Variants in AXDND1 observed in about 807,000 individuals in gnomAD.
AXDND1 encodes the protein axonemal dynein light chain domain containing 1.
A neutral mutation model predicts 137.5 loss-of-function variants in AXDND1; 110 were observed. The ratio of observed to expected loss-of-function variants is 0.80; its 90% CI spans 0.69 to 0.94. AXDND1 has a LOEUF of 0.94. Ranked by LOEUF, AXDND1 falls within the 40% of genes least tolerant of loss-of-function variation. The probability of loss-of-function intolerance (pLI) is 0.00; values close to 1 mark genes in which losing one functional copy is unlikely to be tolerated. For synonymous variants in AXDND1, 414 were observed against 399.7 expected, an observed-to-expected ratio of 1.04 and a Z score of -0.43; for missense variants, 1,191 against 1,169.8, an observed-to-expected ratio of 1.02 and a Z score of -0.26.
rs142150535 is a variant in AXDND1 at position 179,506,111 on chromosome 1, G to A, written c.2389-3185G>A. Among the ~76,000 whole-genome samples, 581 of 152,282 alleles carry A rather than the reference G, an allele frequency of 3.8e-3. 7 individuals are homozygous for A. Among genetic ancestry groups the A allele is most frequent in the African/African-American group, 0.013 (523 of 41,542 alleles). The stretch of plus-strand genomic sequence containing the variant: ...CTGCAGCCTAGAACAGCTACTGAAA[G>A]CCTGGAAACTTAGCCAGGCCAGATA... On this transcript the variant is annotated intron_variant, in intron 20 of 25. Coordinates refer to ENST00000367618, the MANE Select transcript of AXDND1 (RefSeq NM_144696.6).
chr1:179,475,808 T>C (rs1664540555), intron 17 of AXDND1, among the ~76,000 whole-genome samples: 1 of 152,202 alleles, frequency 6.6e-6, no homozygotes, highest in African/African-American at 2.4e-5. Flanking sequence ...GGCAGAATAA[T>C]ATGCTTTGGC....
At chr1:179,366,024 G>A (rs1667349940) in intron 1 of AXDND1, 24 bp downstream of exon 1, 1 of 153,370 alleles carries the variant, frequency 6.5e-6, no homozygotes, top group African/African-American at 2.4e-5. Context: ...GGGTAGGATC[G>A]CGGGTGTCCC....
At chr1:179,436,487 A>C (rs1011323551) in intron 15 of AXDND1, among the ~76,000 whole-genome samples, 1 of 152,222 alleles carries the variant, frequency 6.6e-6, no homozygotes, top group South Asian at 2.1e-4. Flanking sequence ...TGGTACATAT[A>C]CACCATGAAA....
At chr1:179,438,222 A>G (rs2125338922) in intron 15 of AXDND1, among the ~76,000 whole-genome samples, 1 of 152,276 alleles carries the variant, frequency 6.6e-6, no homozygotes, top group Middle Eastern at 3.4e-3. Flanking sequence ...TGTGAAAGCT[A>G]CCGGCAAATC....
chr1:179,379,796 CAAAAAA>C lies in AXDND1; in HGVS notation c.581+330_581+335del, dbSNP rs5779022. 2.0e-4 allele frequency among the ~76,000 whole-genome samples: 19 copies of C among 93,608 alleles called. 1 individual carries two copies. The East Asian group carries it at 3.3e-3, about 17-fold the overall frequency. 61.4% of individuals were successfully genotyped at this position (93,608 alleles called of 152,430 possible). A position where few individuals can be genotyped will look rare whatever the true frequency, so the allele number is the denominator to read the frequency against. ...GGGCAACAAGAGTGAAACTCCATCT[CAAAAAA>C]AAAAAAAAAAAAAAAGAAAGAATAC... On this transcript the variant is annotated intron_variant, in intron 6 of 25. Coordinates refer to ENST00000367618, the MANE Select transcript of AXDND1 (RefSeq NM_144696.6).
chr1:179,532,232 T>C (rs992665578), intron 23 of AXDND1, among the ~76,000 whole-genome samples: 2 of 152,192 alleles, frequency 1.3e-5, no homozygotes, highest in Admixed American at 1.3e-4. Flanking sequence ...TAGCATATCG[T>C]AACTAAATTT....
At chr1:179,502,043 A>G (rs1668050374) in intron 20 of AXDND1, among the ~76,000 whole-genome samples, 2 of 152,220 alleles carry the variant, frequency 1.3e-5, no homozygotes, top group Admixed American at 6.5e-5. Context: ...TGTATTTGCA[A>G]CACTTATAAC....
chr1:179,533,421 A>G (rs1190532567), intron 23 of AXDND1, among the ~76,000 whole-genome samples: 2 of 152,218 alleles, frequency 1.3e-5, no homozygotes, highest in Non-Finnish European at 2.9e-5. Flanking sequence ...AGACAGATAT[A>G]CAAGTTAGCT....
At chr1:179,491,187 G>C (rs187188756) in intron 18 of AXDND1, among the ~76,000 whole-genome samples, 6 of 152,220 alleles carry the variant, frequency 3.9e-5, no homozygotes, top group African/African-American at 1.2e-4. Context: ...AGCCAGGCAT[G>C]GTGGTCCCAG....
At chr1:179,482,024 C>T (rs972944421) in intron 17 of AXDND1, among the ~76,000 whole-genome samples, 1 of 151,608 alleles carries the variant, frequency 6.6e-6, no homozygotes, top group Non-Finnish European at 1.5e-5. Flanking sequence ...TTTAAAGCAC[C>T]CTTAGGTTTG....
At chr1:179,495,899 T>C (rs553518622) in intron 20 of AXDND1, among the ~76,000 whole-genome samples, 180 of 150,048 alleles carry the variant, frequency 1.2e-3, no homozygotes, top group African/African-American at 4.3e-3. Context: ...GAAAATTCTT[T>C]TTTTTTTTTT....
Position 179,533,827 on chromosome 1 carries a change from A to G in AXDND1, c.2748A>G (p.Gln916=), listed in dbSNP as rs1048666156. The change falls in exon 24 of 26, where the codon CAA becomes CAG. Residue 916 remains glutamine, a synonymous_variant. Transcript: ENST00000367618. ...CAGCTAAGCAAGGTACATTGGCCCA[A>G]AAATATCTTGAAGCAATGGCTGTAA... ...RESAKQGTLA[Q]KYLEAMAVIE... The G allele has an allele frequency of 2.5e-6, 4 of 1,613,370 alleles. No homozygotes were observed. The highest frequency in any genetic ancestry group is 3.4e-6 in the Non-Finnish European group (4 of 1,179,482).
chr1:179,523,243 GT>G (rs201450106), intron 21 of AXDND1, among the ~76,000 whole-genome samples: 30,168 of 144,630 alleles, frequency 0.21, 2,990 homozygotes, highest in Non-Finnish European at 0.23. Context: ...GATTGTTTTT[GT>G]TTTTTTTTTT....
chr1:179,460,201 C>T (rs1364464253), intron 16 of AXDND1, among the ~76,000 whole-genome samples: 2 of 151,958 alleles, frequency 1.3e-5, no homozygotes, highest in African/African-American at 4.8e-5. Context: ...CCTCCCCCCA[C>T]CCCACGACAG....
chr1:179,442,823 G>A (rs934334568), intron 15 of AXDND1, among the ~76,000 whole-genome samples: 7 of 151,978 alleles, frequency 4.6e-5, no homozygotes, highest in East Asian at 1.9e-4. Context: ...TATGTAACCC[G>A]CACGAAACTA....
At chr1:179,416,454 A>G (rs1037898183) in intron 12 of AXDND1, among the ~76,000 whole-genome samples, 2 of 152,158 alleles carry the variant, frequency 1.3e-5, no homozygotes, top group Non-Finnish European at 2.9e-5. Flanking sequence ...TTGCTGGATT[A>G]TATGGTAGTT....
At chr1:179,546,748 C>G (rs1168237504) in intron 25 of AXDND1, among the ~76,000 whole-genome samples, 1 of 152,094 alleles carries the variant, frequency 6.6e-6, no homozygotes, top group Non-Finnish European at 1.5e-5. Context: ...GGAGTGCATA[C>G]CATAGTGTAC....
chr1:179,461,794 C>G (rs1043512252), intron 16 of AXDND1, among the ~76,000 whole-genome samples: 1 of 151,958 alleles, frequency 6.6e-6, no homozygotes, highest in Non-Finnish European at 1.5e-5. Context: ...TTCCTAGGTA[C>G]TTTATTCTCT....
At chr1:179,491,324 T>G (rs1184097708) in intron 18 of AXDND1, among the ~76,000 whole-genome samples, 1 of 151,916 alleles carries the variant, frequency 6.6e-6, no homozygotes, top group African/African-American at 2.4e-5. Context: ...AAAAATTAAA[T>G]AAATAGATAT....
Sources: allele counts gnomAD v4.1 joint callset (sites outside exome capture counted in the v4.1 genomes callset), GRCh38; gene constraint gnomAD v4.1.1; transcripts MANE v1.5; gene names NCBI Gene and HGNC (gene_info 2026-07-23, HGNC 2026-07-21).